Variants in PECR observed in about 807,000 individuals in gnomAD.
The protein encoded by PECR is 2,4-dienoyl-CoA reductase-related protein.
PECR carries 30 observed loss-of-function variants against 35.3 expected under a neutral mutation model. The ratio of observed to expected loss-of-function variants is 0.85; its 90% CI spans 0.64 to 1.15. PECR has a LOEUF of 1.15. Ranked by LOEUF, PECR falls within the 50% of genes most tolerant of loss-of-function variation. The pLI is 0.00. For missense variants in PECR, 392 were observed against 370.8 expected (o/e 1.06, Z -0.47); for synonymous variants, 148 against 138.9 (o/e 1.07, Z -0.46).
At position 216,066,378 on chromosome 2, in the gene PECR, C is replaced by T. The variant is rs1356970919; in HGVS notation, c.258+7G>A. 6.2e-7 allele frequency: 1 copy of T among 1,609,830 alleles called. No individual in the cohort carries two copies. ...ATGAATAAATGATACAGATATATCTCCATTACCTCCTCCTCATTCCGGATG... is the reference window on the plus strand; with the variant it reads ...ATGAATAAATGATACAGATATATCTTCATTACCTCCTCCTCATTCCGGATG... On this transcript the variant is annotated splice_region_variant and intron_variant, in intron 2 of 7. Coordinates refer to ENST00000265322, the MANE Select transcript of PECR (RefSeq NM_018441.6).
chr2:216,052,794 CCT>C (rs1695142631), intron 4 of PECR, among the ~76,000 whole-genome samples: 1 of 152,084 alleles, frequency 6.6e-6, no homozygotes, highest in Non-Finnish European at 1.5e-5. Flanking sequence ...TTTTTCCGTC[CCT>C]GTTTCTCATG....
chr2:216,073,409 TA>T (rs1294082562), intron 1 of PECR, among the ~76,000 whole-genome samples: 1 of 152,212 alleles, frequency 6.6e-6, no homozygotes, highest in East Asian at 1.9e-4. Flanking sequence ...TTTATTTTTT[TA>T]TAAATTTAGT....
chr2:216,066,038 T>G (rs1472165570), intron 2 of PECR, among the ~76,000 whole-genome samples: 1 of 152,116 alleles, frequency 6.6e-6, no homozygotes, highest in East Asian at 1.9e-4. Flanking sequence ...TCAGGAGAAT[T>G]GCTTGAACCT....
chr2:216,074,752 T>C (rs1017799135), intron 1 of PECR, among the ~76,000 whole-genome samples: 4 of 152,240 alleles, frequency 2.6e-5, no homozygotes, highest in East Asian at 1.9e-4. Flanking sequence ...CAAGTAAAGA[T>C]GCACTGAAAT....
chr2:216,039,807 C>T (rs146852860), intron 7 of PECR, among the ~76,000 whole-genome samples: 5 of 152,182 alleles, frequency 3.3e-5, no homozygotes, highest in South Asian at 2.1e-4. Flanking sequence ...TTCCATTTAA[C>T]GATCTAGAAG....
intron 6 of PECR, among the ~76,000 whole-genome samples, chr2:216,047,296 T>TA (rs1434189205): frequency 1.3e-5 from 2 of 152,160 alleles, no homozygotes; most frequent in East Asian, 3.8e-4. Flanking sequence ...TACAAATTTT[T>TA]AATGCATGCA....
chr2:216,069,261 C>T lies in PECR; in HGVS notation c.125-2743G>A, dbSNP rs567270908. ...TGATTAATCATGTCATTTCTTCCAG[C>T]GTCTATCAGTGAATGCCCACTGTGC... On this transcript the variant is annotated intron_variant, in intron 1 of 7. Coordinates refer to ENST00000265322, the MANE Select transcript of PECR (RefSeq NM_018441.6). Among the ~76,000 whole-genome samples the T allele has an allele frequency of 6.6e-5, 10 of 152,308 alleles. No homozygotes were observed. The South Asian group carries it at 1.4e-3, about 22-fold the overall frequency.
chr2:216,049,669 G>A (rs1695066669), intron 5 of PECR, among the ~76,000 whole-genome samples: 1 of 152,130 alleles, frequency 6.6e-6, no homozygotes, highest in Non-Finnish European at 1.5e-5. Context: ...AAATGAAAGA[G>A]GCACTTAACT....
At chr2:216,070,727 T>C (rs560924804) in intron 1 of PECR, among the ~76,000 whole-genome samples, 1 of 152,282 alleles carries the variant, frequency 6.6e-6, no homozygotes, top group Non-Finnish European at 1.5e-5. Context: ...TTGTATTTAT[T>C]GGGTAGAAAG....
chr2:216,074,541 A>AAAGGAAGG (rs138169432), intron 1 of PECR, among the ~76,000 whole-genome samples: 2 of 81,854 alleles, frequency 2.4e-5, no homozygotes, highest in African/African-American at 5.3e-5. Flanking sequence ...AGGAAGGAAG[A>AAAGGAAGG]AAGGAAGGAA....
chr2:216,077,258 G>A (rs1695724637), intron 1 of PECR, among the ~76,000 whole-genome samples: 2 of 151,748 alleles, frequency 1.3e-5, no homozygotes, highest in Admixed American at 6.6e-5. Context: ...TGTAATCCCA[G>A]CACTTTGGGA....
rs755724496 is a variant in PECR, at chr2:216,043,992, T to C, written c.738A>G (p.Leu246=). 2 of 1,609,682 alleles carry C rather than the reference T, an allele frequency of 1.2e-6. No homozygotes were observed. The highest frequency in any genetic ancestry group is 2.7e-5 in the African/African-American group (2 of 74,764). Residue 246 remains leucine (L), a synonymous_variant, in exon 7 of 8, where the codon CTA becomes CTG. Transcript: ENST00000265322. ...TGATGAAGGAAGCTGCAGGAGACAG[T>C]AGGAAGCAGACCACAGAGGAGACCT... ...PEEVSSVVCF[L]LSPAASFITG... is the part of the protein sequence containing the mutation.
At chr2:216,077,017 C>T (rs1695715916) in intron 1 of PECR, among the ~76,000 whole-genome samples, 1 of 150,156 alleles carries the variant, frequency 6.7e-6, no homozygotes, top group South Asian at 2.1e-4. Context: ...TCTCCTGCCT[C>T]AGCCTCCGAG....
At chr2:216,034,372 T>C (rs1366059396), downstream of PECR, among the ~76,000 whole-genome samples, 1 of 152,212 alleles carries the variant, frequency 6.6e-6, no homozygotes, top group Non-Finnish European at 1.5e-5. Context: ...GGGCTGCTCC[T>C]GGCCTGTGAC....
intron 1 of PECR, among the ~76,000 whole-genome samples, chr2:216,069,781 C>T (rs896020787): frequency 4.0e-5 from 6 of 151,756 alleles, no homozygotes; most frequent in Non-Finnish European, 5.9e-5. Flanking sequence ...ACTAAAAATA[C>T]AAAAATTAGC....
At chr2:216,053,055 T>C (rs1264358343) in intron 4 of PECR, among the ~76,000 whole-genome samples, 2 of 152,064 alleles carry the variant, frequency 1.3e-5, no homozygotes, top group Non-Finnish European at 2.9e-5. Flanking sequence ...GGTTTCAGCA[T>C]GTTGGCCAGG....
chr2:216,031,827 C>T (rs1023814998), intron 7 of PECR, among the ~76,000 whole-genome samples: 2 of 152,240 alleles, frequency 1.3e-5, no homozygotes, highest in Admixed American at 6.5e-5. Flanking sequence ...GATTCAATGT[C>T]TCACAGCTAA....
Position 216,039,325 on chromosome 2 carries a change from A to C in PECR, c.862T>G (p.Ser288Ala), listed in dbSNP as rs1350353459. Reference protein sequence around the residue: ...DNWPKGAGDLSVVKKMKETFK... With the variant: ...DNWPKGAGDLAVVKKMKETFK... The stretch of plus-strand genomic sequence containing the variant: ...GTCTCCTTCATCTTTTTGACAACAG[A>C]AAGGTCCCCTGCTCCCTTGGGCCAG... The change falls in exon 8 of 8, where the codon TCT (serine) becomes GCT (alanine). Residue 288 changes from serine (S) to alanine (A), a missense_variant. Ser to Ala is a moderately conservative substitution (Grantham distance 99, BLOSUM62 1). Coordinates refer to ENST00000265322, the MANE Select transcript of PECR (RefSeq NM_018441.6). 1.9e-6 allele frequency: 3 copies of C among 1,609,852 alleles called. No individual in the cohort carries two copies. In the African/African-American group the frequency reaches 4.0e-5, roughly 22 times the overall value.
At chr2:216,077,920 T>A (rs1695744950) in intron 1 of PECR, among the ~76,000 whole-genome samples, 1 of 151,964 alleles carries the variant, frequency 6.6e-6, no homozygotes, top group African/African-American at 2.4e-5. Context: ...TAATTAAAAT[T>A]GTCTTCGTCT....
Sources: gnomAD v4.1 joint callset for allele counts (sites outside exome capture counted in the v4.1 genomes callset) on GRCh38, gnomAD v4.1.1 for gene constraint, MANE v1.5 for transcripts, NCBI Gene and HGNC (gene_info 2026-07-23, HGNC 2026-07-21) for gene names.